Variants in EPHA6 observed in about 807,000 individuals in gnomAD.
EPHA6 encodes the protein EPH receptor A6.
A neutral mutation model predicts 112.0 loss-of-function variants in EPHA6; 50 were observed. That is an observed-to-expected ratio of 0.45 (90% CI 0.36 to 0.56). The LOEUF is 0.56. Ranked by LOEUF, EPHA6 falls within the 20% of genes least tolerant of loss-of-function variation. The pLI is 0.00. For missense variants in EPHA6, 1,280 were observed against 1,417.4 expected (o/e 0.90, Z 1.56); for synonymous variants, 529 against 490.7 (o/e 1.08, Z -1.03).
At chr3:97,611,549 A>G (rs1217081937) in intron 13 of EPHA6, among the ~76,000 whole-genome samples, 1 of 151,950 alleles carries the variant, frequency 6.6e-6, no homozygotes. Flanking sequence ...ATCATGTGCT[A>G]TGAAAATATT....
chr3:97,031,453 A>G (rs2044838404), intron 3 of EPHA6, among the ~76,000 whole-genome samples: 2 of 152,146 alleles, frequency 1.3e-5, no homozygotes, highest in Admixed American at 6.6e-5. Context: ...AATGGGATCT[A>G]ATTAAACTAA....
chr3:97,396,901 G>A (rs570244896), intron 5 of EPHA6, among the ~76,000 whole-genome samples: 11 of 151,768 alleles, frequency 7.2e-5, no homozygotes, highest in African/African-American at 2.7e-4. Context: ...TCATCTAATT[G>A]TAAATGAGGC....
At chr3:97,422,243 A>G (rs1426481992) in intron 6 of EPHA6, among the ~76,000 whole-genome samples, 1 of 152,072 alleles carries the variant, frequency 6.6e-6, no homozygotes, top group Non-Finnish European at 1.5e-5. Flanking sequence ...CAATTAGTAA[A>G]GGAGTAGTAT....
chr3:97,145,006 C>T (rs1478446226), intron 3 of EPHA6, among the ~76,000 whole-genome samples: 3 of 151,510 alleles, frequency 2.0e-5, no homozygotes, highest in African/African-American at 7.3e-5. Flanking sequence ...TTATGGACTA[C>T]ATCTCCTCAA....
intron 3 of EPHA6, among the ~76,000 whole-genome samples, chr3:97,209,946 C>T (rs1420321188): frequency 6.6e-6 from 1 of 151,934 alleles, no homozygotes; most frequent in Non-Finnish European, 1.5e-5. Flanking sequence ...ATGAGGTGAC[C>T]ACATAAAACA....
intron 2 of EPHA6, among the ~76,000 whole-genome samples, chr3:96,867,556 G>C (rs1372576701): frequency 6.6e-6 from 1 of 151,642 alleles, no homozygotes; most frequent in Non-Finnish European, 1.5e-5. Flanking sequence ...TAAAATAAAA[G>C]GGTGGTTTCT....
intron 13 of EPHA6, among the ~76,000 whole-genome samples, chr3:97,628,486 A>C (rs2093876827): frequency 2.0e-5 from 3 of 152,002 alleles, no homozygotes; most frequent in Admixed American, 1.3e-4. Context: ...GATATCACTA[A>C]GAGTCATAAA....
intron 6 of EPHA6, among the ~76,000 whole-genome samples, chr3:97,421,854 A>T (rs2088666733): frequency 6.6e-6 from 1 of 152,082 alleles, no homozygotes; most frequent in African/African-American, 2.4e-5. Context: ...GGCACTGCAG[A>T]TCATTAAAAA....
At chr3:97,285,734 C>T (rs2080443892) in intron 5 of EPHA6, among the ~76,000 whole-genome samples, 1 of 151,876 alleles carries the variant, frequency 6.6e-6, no homozygotes. Flanking sequence ...TGATAAATAC[C>T]CAGTAGTGGG....
At chr3:97,467,467 T>C (rs569426263) in intron 7 of EPHA6, among the ~76,000 whole-genome samples, 1 of 151,952 alleles carries the variant, frequency 6.6e-6, no homozygotes, top group South Asian at 2.1e-4. Flanking sequence ...TGCATAGATA[T>C]GCTCACCAAT....
At chr3:97,320,391 C>T (rs909704879) in intron 5 of EPHA6, among the ~76,000 whole-genome samples, 1 of 151,224 alleles carries the variant, frequency 6.6e-6, no homozygotes, top group African/African-American at 2.4e-5. Context: ...AAAGGCAAAT[C>T]ATGAAGAAAT....
intron 3 of EPHA6, among the ~76,000 whole-genome samples, chr3:97,151,635 G>T (rs530843560): frequency 6.6e-6 from 1 of 152,048 alleles, no homozygotes; most frequent in South Asian, 2.1e-4. Flanking sequence ...ACTAGGTAAA[G>T]AATATAATTA....
At chr3:97,641,574 G>A (rs1225599968) in intron 14 of EPHA6, among the ~76,000 whole-genome samples, 20 of 152,356 alleles carry the variant, frequency 1.3e-4, no homozygotes, top group African/African-American at 4.8e-4. Context: ...GCGCAGGATA[G>A]TGGGTGCAGC....
intron 7 of EPHA6, among the ~76,000 whole-genome samples, chr3:97,455,335 T>C (rs1161794029): frequency 6.6e-6 from 1 of 152,058 alleles, no homozygotes; most frequent in Non-Finnish European, 1.5e-5. Context: ...GATACTATTA[T>C]GCCAATTTTA....
At chr3:97,108,199 G>A (rs1163752132) in intron 3 of EPHA6, among the ~76,000 whole-genome samples, 1 of 152,168 alleles carries the variant, frequency 6.6e-6, no homozygotes, top group Non-Finnish European at 1.5e-5. Context: ...GAGAAAGAGT[G>A]TTAGGGGAAA....
intron 3 of EPHA6, among the ~76,000 whole-genome samples, chr3:97,180,892 C>G (rs569688983): frequency 6.6e-6 from 1 of 151,982 alleles, no homozygotes; most frequent in African/African-American, 2.4e-5. Context: ...GCCCCGCCCC[C>G]CAACCCCACC....
chr3:97,517,452 TC>T, intron 10 of EPHA6, among the ~76,000 whole-genome samples: 1 of 152,210 alleles, frequency 6.6e-6, no homozygotes. Context: ...GGTTTTTTTT[TC>T]TTTTTCATAA....
At chr3:97,690,582 C>T (rs889750862) in intron 14 of EPHA6, among the ~76,000 whole-genome samples, 2 of 152,058 alleles carry the variant, frequency 1.3e-5, no homozygotes, top group African/African-American at 4.8e-5. Context: ...ATTCTCCTAC[C>T]TCAGCCTCTT....
At chr3:97,570,102 C>T (rs1441725537) in intron 11 of EPHA6, among the ~76,000 whole-genome samples, 1 of 151,838 alleles carries the variant, frequency 6.6e-6, no homozygotes, top group Non-Finnish European at 1.5e-5. Flanking sequence ...TTTATACTAC[C>T]CAGCTGCCAC....
Sources: gnomAD v4.1 joint callset for allele counts (sites outside exome capture counted in the v4.1 genomes callset) on GRCh38, gnomAD v4.1.1 for gene constraint, MANE v1.5 for transcripts, NCBI Gene and HGNC (gene_info 2026-07-23, HGNC 2026-07-21) for gene names.